The following CADM2 variants were observed in gnomAD, a reference collection of about 807,000 sequenced individuals.
CADM2 encodes the protein immunoglobulin superfamily member 4D.
CADM2 carries 12 observed loss-of-function variants against 49.8 expected under a neutral mutation model. That is an observed-to-expected ratio of 0.24 (90% CI 0.15 to 0.39). CADM2 has a LOEUF of 0.39. CADM2 is among the 10% of genes least tolerant of loss of function. CADM2 has a pLI of 1.00. For missense variants in CADM2, 378 were observed against 492.3 expected, an observed-to-expected ratio of 0.77 and a Z score of 2.20; for synonymous variants, 214 against 175.4, an observed-to-expected ratio of 1.22 and a Z score of -1.74.
intron 1 of CADM2, among the ~76,000 whole-genome samples, chr3:85,078,853 A>G (rs763206872): frequency 2.6e-5 from 4 of 151,836 alleles, no homozygotes; most frequent in Non-Finnish European, 5.9e-5. Context: ...CTCTTGCCGT[A>G]GCACTTTATA....
At chr3:85,052,839 A>G (rs2035937742) in intron 1 of CADM2, among the ~76,000 whole-genome samples, 1 of 152,092 alleles carries the variant, frequency 6.6e-6, no homozygotes. Flanking sequence ...AAAACCATAT[A>G]ATTACATTTT....
chr3:85,114,479 C>G (rs1173461013), intron 1 of CADM2, among the ~76,000 whole-genome samples: 1 of 152,168 alleles, frequency 6.6e-6, no homozygotes, highest in African/African-American at 2.4e-5. Context: ...GAGATAAAGT[C>G]TGGATCTGAA....
chr3:85,492,377 A>G (rs1203944944), intron 1 of CADM2, among the ~76,000 whole-genome samples: 3 of 152,222 alleles, frequency 2.0e-5, no homozygotes, highest in South Asian at 2.1e-4. Flanking sequence ...GGACCACCTG[A>G]ATTCAGGAGA....
At chr3:85,248,038 C>G (rs997958682) in intron 1 of CADM2, among the ~76,000 whole-genome samples, 1 of 152,086 alleles carries the variant, frequency 6.6e-6, no homozygotes, top group Non-Finnish European at 1.5e-5. Context: ...AATCCTCACT[C>G]AGATAGATTG....
At chr3:85,858,216 T>C (rs1365954885) in intron 3 of CADM2, among the ~76,000 whole-genome samples, 1 of 152,258 alleles carries the variant, frequency 6.6e-6, no homozygotes, top group African/African-American at 2.4e-5. Flanking sequence ...TAACTGCTAA[T>C]GAATAGGATC....
chr3:85,978,214 C>T (rs1174808666), intron 8 of CADM2, among the ~76,000 whole-genome samples: 2 of 151,560 alleles, frequency 1.3e-5, no homozygotes, highest in Non-Finnish European at 3.0e-5. Flanking sequence ...TAGCTTGACA[C>T]TGGCTGTATT....
At chr3:84,964,810 T>C (rs1180265607) in intron 1 of CADM2, among the ~76,000 whole-genome samples, 1 of 152,206 alleles carries the variant, frequency 6.6e-6, no homozygotes, top group African/African-American at 2.4e-5. Flanking sequence ...TTGAATAATA[T>C]ATATGTCCTA....
chr3:85,634,009 A>C (rs1489030430), intron 1 of CADM2, among the ~76,000 whole-genome samples: 1 of 152,044 alleles, frequency 6.6e-6, no homozygotes, highest in Non-Finnish European at 1.5e-5. Context: ...TTTTGGAATA[A>C]TACAAATATA....
At chr3:85,057,940 T>A (rs1341009929) in intron 1 of CADM2, among the ~76,000 whole-genome samples, 2 of 152,208 alleles carry the variant, frequency 1.3e-5, no homozygotes, top group Non-Finnish European at 2.9e-5. Context: ...TCATAAAATA[T>A]TTTACTGTAG....
intron 1 of CADM2, among the ~76,000 whole-genome samples, chr3:85,233,692 G>A (rs1179999597): frequency 6.6e-6 from 1 of 152,036 alleles, no homozygotes; most frequent in Non-Finnish European, 1.5e-5. Flanking sequence ...GCAGCAGAAC[G>A]ATTTATTTTT....
chr3:86,048,989 G>A (rs1737009965), intron 8 of CADM2, among the ~76,000 whole-genome samples: 1 of 152,062 alleles, frequency 6.6e-6, no homozygotes, highest in Non-Finnish European at 1.5e-5. Flanking sequence ...CCGAAAAAAG[G>A]TAAATTTTAA....
intron 3 of CADM2, among the ~76,000 whole-genome samples, chr3:85,874,818 GA>G (rs1559715038): frequency 6.6e-6 from 1 of 152,094 alleles, no homozygotes; most frequent in African/African-American, 2.4e-5. Flanking sequence ...GGATGGAGAG[GA>G]AATATTTTGT....
At chr3:85,100,158 T>C (rs565161109) in intron 1 of CADM2, among the ~76,000 whole-genome samples, 39 of 152,324 alleles carry the variant, frequency 2.6e-4, no homozygotes, top group Admixed American at 9.8e-4. Context: ...GATGGCTTCA[T>C]GGATTTCTTG....
chr3:85,771,811 G>A lies in CADM2; in HGVS notation c.89-30236G>A, dbSNP rs17023318. 3.6e-3 allele frequency among the ~76,000 whole-genome samples: 548 copies of A among 152,040 alleles called. 19 individuals carry two copies. The East Asian group carries it at 0.072, about 20-fold the overall frequency. ...TCAAGTTCCATCTCTCTAGATGGCCGATCTATAATGAGCTGAAGAAGGGAT... is the reference window on the plus strand; with the variant it reads ...TCAAGTTCCATCTCTCTAGATGGCCAATCTATAATGAGCTGAAGAAGGGAT... On this transcript the variant is annotated intron_variant, in intron 2 of 9. Coordinates refer to ENST00000383699, the MANE Select transcript of CADM2 (RefSeq NM_001167675.2).
chr3:85,582,793 T>A (rs2062834297), intron 1 of CADM2, among the ~76,000 whole-genome samples: 1 of 152,120 alleles, frequency 6.6e-6, no homozygotes. Context: ...TGTCAGCTAT[T>A]TATCTTGGAA....
chr3:85,966,430 C>T (rs1419804111), intron 8 of CADM2, among the ~76,000 whole-genome samples: 1 of 151,676 alleles, frequency 6.6e-6, no homozygotes. Flanking sequence ...TATTTTACCA[C>T]TGTGCTAACT....
At chr3:85,582,489 T>G (rs1012401951) in intron 1 of CADM2, among the ~76,000 whole-genome samples, 3 of 152,188 alleles carry the variant, frequency 2.0e-5, no homozygotes, top group Non-Finnish European at 4.4e-5. Context: ...AAATAAATGT[T>G]GATGCCTTCA....
intron 2 of CADM2, among the ~76,000 whole-genome samples, chr3:85,748,340 TAA>T (rs35598935): frequency 6.7e-6 from 1 of 149,606 alleles, no homozygotes; most frequent in Non-Finnish European, 1.5e-5. Context: ...GACATCCATT[TAA>T]AAAAAAAATA....
chr3:85,993,833 G>C (rs551800537), intron 8 of CADM2: 1 of 151,146 alleles, frequency 6.6e-6, no homozygotes, highest in African/African-American at 2.4e-5. Context: ...TCTCAACATT[G>C]AGCTTAAAAT....
Sources: gnomAD v4.1 joint callset for allele counts (sites outside exome capture counted in the v4.1 genomes callset) on GRCh38, gnomAD v4.1.1 for gene constraint, MANE v1.5 for transcripts, NCBI Gene and HGNC (gene_info 2026-07-23, HGNC 2026-07-21) for gene names.